TATDN2: variants seen among roughly 807,000 people sequenced by gnomAD.
TATDN2 encodes TatD DNase domain containing 2, also known as 3'-5' RNA nuclease TATDN2.
Under a neutral mutation model 60.3 loss-of-function variants are expected in TATDN2, and 44 were observed. The observed-to-expected ratio is 0.73, with a 90% CI of 0.57 to 0.94. The LOEUF is 0.94. Among genes scored for constraint, TATDN2 ranks in the 40% least tolerant of loss-of-function variants. The pLI, the probability that TATDN2 is intolerant of heterozygous loss-of-function variation, is 0.00. For missense variants in TATDN2, 997 were observed against 948.0 expected, an observed-to-expected ratio of 1.05 and a Z score of -0.68; for synonymous variants, 399 against 355.8, an observed-to-expected ratio of 1.12 and a Z score of -1.37.
At chr3:10,267,921 C>T (rs907174595) in intron 3 of TATDN2, among the ~76,000 whole-genome samples, 1 of 152,218 alleles carries the variant, frequency 6.6e-6, no homozygotes, top group African/African-American at 2.4e-5. Context: ...ACACAAAAGC[C>T]TTGTCAAACT....
At chr3:10,257,522 G>C (rs1384135899) in intron 2 of TATDN2, among the ~76,000 whole-genome samples, 2 of 149,512 alleles carry the variant, frequency 1.3e-5, no homozygotes, top group African/African-American at 4.9e-5. Context: ...CCAGGTACTT[G>C]GGAGGCTGAG....
chr3:10,260,820 C>A, intron 3 of TATDN2, 150 bp downstream of exon 3: 6 of 906,496 alleles, frequency 6.6e-6, no homozygotes, highest in Non-Finnish European at 9.6e-6. Context: ...TTTCTTCTAA[C>A]ATACTTTTCA....
At chr3:10,253,403 G>T (rs1441050854) in intron 2 of TATDN2, among the ~76,000 whole-genome samples, 1 of 152,208 alleles carries the variant, frequency 6.6e-6, no homozygotes, top group Non-Finnish European at 1.5e-5. Context: ...ATTCTGAGGG[G>T]AAGGTGTTAG....
At position 10,249,001 on chromosome 3, in the gene TATDN2, C is replaced by A; in HGVS notation, c.-73C>A. ...AGTCAATTTTGGATCGCTTTGACTT[C>A]TCCAACACGGTTTGGCATCTCTGAA... On this transcript the variant is annotated 5_prime_UTR_variant, in exon 1 of 8. Transcript: ENST00000448281. 1 of 554,046 alleles carries A rather than the reference C, an allele frequency of 1.8e-6. No individual in the cohort carries two copies. The highest frequency in any genetic ancestry group is 2.8e-6 in the Non-Finnish European group (1 of 361,272). 34.3% of individuals were successfully genotyped at this position (554,046 alleles called of 1,614,324 possible).
chr3:10,278,705 C>A lies in TATDN2; in HGVS notation c.2146-180C>A. 1 of 1,048,640 alleles carries A rather than the reference C, an allele frequency of 9.5e-7. No individual in the cohort carries two copies. The highest frequency in any genetic ancestry group is 1.4e-6 in the Non-Finnish European group (1 of 700,276). The allele number at this position is 1,048,640 out of a possible 1,614,324, so 65.0% of individuals were successfully genotyped here. ...CCCTGTAGAGGGTAGTCCAAGGAAG[C>A]GTGGGACCCTGCTCACCCAGAGCCC... On this transcript the variant is annotated intron_variant, in intron 6 of 7. Transcript: ENST00000448281. The surrounding 1 kb of genome is among the most constrained non-coding windows in gnomAD (Gnocchi z 4.7).
rs950041109 is a variant in TATDN2 at position 10,249,400 on chromosome 3, G to C, written c.200G>C (p.Arg67Pro). The part of the protein sequence containing the change: ...AQKEDDVACS[R>P]RLSWGSSRRR... ...AAGGAGGACGATGTGGCTTGCTCGC[G>C]GAGGTTATCCTGGGGCTCATCCCGC... The change falls in exon 2 of 8, where the codon CGG (arginine) becomes CCG (proline). Residue 67 changes from arginine (R) to proline (P), a missense_variant. Arg to Pro is a moderately radical substitution (Grantham distance 103, BLOSUM62 -2). Coordinates refer to ENST00000448281, the MANE Select transcript of TATDN2 (RefSeq NM_014760.4). 1 of 1,613,238 alleles carries C rather than the reference G, an allele frequency of 6.2e-7. No homozygotes were observed. Among genetic ancestry groups the C allele is most frequent in the Non-Finnish European group, 8.5e-7 (1 of 1,179,788 alleles).
chr3:10,253,589 A>G (rs1271621725), intron 2 of TATDN2, among the ~76,000 whole-genome samples: 2 of 152,236 alleles, frequency 1.3e-5, no homozygotes, highest in African/African-American at 4.8e-5. Context: ...TTTTACTATG[A>G]CATCTAAATG....
At chr3:10,269,012 T>G (rs1698518483) in intron 3 of TATDN2, among the ~76,000 whole-genome samples, 1 of 152,172 alleles carries the variant, frequency 6.6e-6, no homozygotes. Flanking sequence ...GGGAGCCCCA[T>G]GTAGTTCCTT....
In TATDN2 at chr3:10,249,424, GCCGCAGAA is replaced by G. The variant is rs765867054; in HGVS notation, c.225_232del (p.Arg76Ter). 6.8e-6 allele frequency: 11 copies of G among 1,613,862 alleles called. No homozygotes were observed. On this transcript the variant is annotated frameshift_variant, in exon 2 of 8. Transcript: ENST00000448281. LOFTEE classifies it high-confidence loss of function. ...CGGAGGTTATCCTGGGGCTCATCCCGCCGCAGAAATAACTCCTCCTCCTCCTTCTCCCC... is the reference window on the plus strand; with the variant it reads ...CGGAGGTTATCCTGGGGCTCATCCCGATAACTCCTCCTCCTCCTTCTCCCC...
intron 3 of TATDN2, among the ~76,000 whole-genome samples, chr3:10,267,223 G>A (rs1329913941): frequency 1.3e-5 from 2 of 151,090 alleles, no homozygotes; most frequent in Non-Finnish European, 2.9e-5. Context: ...GCCCGGCTGA[G>A]ACAGTCTTGA....
intron 2 of TATDN2, among the ~76,000 whole-genome samples, chr3:10,259,800 C>T (rs1257508162): frequency 5.3e-5 from 8 of 152,192 alleles, no homozygotes; most frequent in Admixed American, 2.6e-4. Context: ...AGGGCCCTTT[C>T]CAGTGGGAAG....
rs72624420 is a variant in TATDN2, at chr3:10,278,908, T to C, written c.2169T>C (p.Tyr723=). The change falls in exon 7 of 8, where the codon TAT becomes TAC. Residue 723 remains tyrosine, a synonymous_variant. Transcript: ENST00000448281. This position sits in a 1 kb window ranked among gnomAD's most constrained non-coding sequence, Gnocchi z 4.7. The part of the protein sequence containing the change: ...PRQVPKSLCQ[Y]AHPGLALHTV... ...AGGTTCCCAAAAGCCTTTGCCAGTA[T>C]GCCCACCCGGGCCTGGCCTTGCATA... 4,244 of 1,613,724 alleles carry C rather than the reference T, an allele frequency of 2.6e-3. 190 individuals are homozygous for C. In the East Asian group the frequency reaches 0.087, roughly 33 times the overall value.
chr3:10,268,848 G>T (rs897524186), intron 3 of TATDN2, among the ~76,000 whole-genome samples: 1 of 152,166 alleles, frequency 6.6e-6, no homozygotes, highest in African/African-American at 2.4e-5. Flanking sequence ...ATCTCGTGGC[G>T]CTTACCTTCT....
At chr3:10,273,955 TA>T (rs1327756783) in intron 4 of TATDN2, among the ~76,000 whole-genome samples, 1 of 152,166 alleles carries the variant, frequency 6.6e-6, no homozygotes, top group African/African-American at 2.4e-5. Context: ...TTACTTGTGT[TA>T]AAGAGGAATT....
At chr3:10,271,800 T>C (rs1576015142) in intron 4 of TATDN2, among the ~76,000 whole-genome samples, 1 of 103,620 alleles carries the variant, frequency 9.7e-6, no homozygotes, top group East Asian at 2.1e-4. Flanking sequence ...GGCCTCCACC[T>C]CCGCCTCCGC....
At chr3:10,249,741 A>G (rs1429380001) in intron 2 of TATDN2, 127 bp downstream of exon 2, 17 of 1,135,382 alleles carry the variant, frequency 1.5e-5, no homozygotes, top group Middle Eastern at 5.5e-4. Flanking sequence ...AGGTCTTTCT[A>G]GAAGTCCACT....
chr3:10,279,143 C>T, intron 7 of TATDN2, 78 bp from the exon 8 acceptor site: 1 of 1,332,178 alleles, frequency 7.5e-7, no homozygotes, highest in Non-Finnish European at 1.0e-6. Flanking sequence ...AGAATATAAA[C>T]ATAGTATGAG....
intron 2 of TATDN2, among the ~76,000 whole-genome samples, chr3:10,256,650 C>T (rs943931579): frequency 6.6e-6 from 1 of 152,080 alleles, no homozygotes; most frequent in African/African-American, 2.4e-5. Context: ...TCTCAAATGG[C>T]ACCAGTTAGA....
chr3:10,260,694 TCTGA>T lies in TATDN2; in HGVS notation c.948+27_948+30del, dbSNP rs770246927. On this transcript the variant is annotated intron_variant, in intron 3 of 7. Transcript: ENST00000448281. ...AGGTGAGTAAAGCTTGTACCAGGCA[TCTGA>T]CTTTTTAGTTCTGTTGATGAAATGT... The T allele has an allele frequency of 1.9e-6, 3 of 1,593,560 alleles. No individual in the cohort carries two copies. The African/African-American group carries it at 4.1e-5, about 22-fold the overall frequency.
Sources: gnomAD v4.1 joint callset for allele counts (sites outside exome capture counted in the v4.1 genomes callset) on GRCh38, gnomAD v4.1.1 for gene constraint, Gnocchi (gnomAD v3.1) non-coding constraint, MANE v1.5 for transcripts, NCBI Gene and HGNC (gene_info 2026-07-23, HGNC 2026-07-21) for gene names.